The following LMLN variants were observed in gnomAD, a reference collection of about 807,000 sequenced individuals.
LMLN encodes the protein leishmanolysin-like peptidase.
Under a neutral mutation model 92.3 loss-of-function variants are expected in LMLN, and 70 were observed. The ratio of observed to expected loss-of-function variants is 0.76; its 90% confidence interval spans 0.63 to 0.92. The LOEUF (loss-of-function observed/expected upper bound fraction) is 0.92. LMLN is among the 40% of genes least tolerant of loss of function. The probability of loss-of-function intolerance (pLI) is 0.00; values close to 1 mark genes in which losing one functional copy is unlikely to be tolerated. For missense variants in LMLN, 691 were observed against 814.6 expected (o/e 0.85, Z 1.85); for synonymous variants, 308 against 296.2 (o/e 1.04, Z -0.41).
chr3:197,982,585 T>G (rs113055574), intron 6 of LMLN, among the ~76,000 whole-genome samples: 9,999 of 152,262 alleles, frequency 0.066, 409 homozygotes, highest in African/African-American at 0.11. Flanking sequence ...ATTGCATTAA[T>G]TCATTTCATG....
chr3:197,977,630 T>C (rs1273819538), intron 5 of LMLN, among the ~76,000 whole-genome samples: 10 of 140,430 alleles, frequency 7.1e-5, no homozygotes, highest in African/African-American at 2.2e-4. Flanking sequence ...AGCACACACT[T>C]GTTAAATCTG....
chr3:198,038,033 C>A (rs1425296085), intron 15 of LMLN, among the ~76,000 whole-genome samples: 1 of 148,530 alleles, frequency 6.7e-6, no homozygotes, highest in African/African-American at 2.4e-5. Context: ...TCCTCACAGT[C>A]TGTCTGCCTG....
At chr3:197,991,081 A>T (rs1411505285) in intron 9 of LMLN, among the ~76,000 whole-genome samples, 1 of 150,144 alleles carries the variant, frequency 6.7e-6, no homozygotes, top group Non-Finnish European at 1.5e-5. Flanking sequence ...GGAGGAAGAG[A>T]TTTCTTTTTT....
intron 6 of LMLN, chr3:197,980,755 G>A: frequency 2.8e-6 from 1 of 358,830 alleles, no homozygotes; most frequent in Non-Finnish European, 5.1e-6. Context: ...TTTTCTGCCT[G>A]CCGTTCCTCT....
At chr3:198,037,000 C>T (rs753135839) in intron 15 of LMLN, among the ~76,000 whole-genome samples, 4 of 152,134 alleles carry the variant, frequency 2.6e-5, no homozygotes, top group Non-Finnish European at 4.4e-5. Context: ...GATTAACTTC[C>T]CTTCTTTTCC....
chr3:198,016,813 T>C (rs1417330647), intron 11 of LMLN, among the ~76,000 whole-genome samples: 1 of 152,202 alleles, frequency 6.6e-6, no homozygotes, highest in Non-Finnish European at 1.5e-5. Flanking sequence ...CTTAAGCCAC[T>C]GTCAGCAAGG....
At chr3:198,020,215 C>G (rs150924713) in intron 12 of LMLN, among the ~76,000 whole-genome samples, 9,809 of 152,182 alleles carry the variant, frequency 0.064, 374 homozygotes, top group African/African-American at 0.099. Flanking sequence ...AGGCTGGTCT[C>G]AAACTCCTGA....
intron 14 of LMLN, among the ~76,000 whole-genome samples, chr3:198,035,510 A>C (rs1375470227): frequency 6.6e-6 from 1 of 151,752 alleles, no homozygotes; most frequent in East Asian, 2.0e-4. Context: ...CTACAGGTGC[A>C]TGACACCACG....
chr3:198,003,477 C>A (rs571980086), intron 11 of LMLN, among the ~76,000 whole-genome samples: 1 of 152,150 alleles, frequency 6.6e-6, no homozygotes, highest in South Asian at 2.1e-4. Flanking sequence ...AATATTGATT[C>A]AGTATCAAAA....
chr3:198,019,527 G>T lies in LMLN; in HGVS notation c.1365+142G>T. 1.3e-6 allele frequency: 1 copy of T among 796,472 alleles called. No homozygotes were observed. The highest frequency in any genetic ancestry group is 1.9e-6 in the Non-Finnish European group (1 of 529,106). 49.3% of individuals were successfully genotyped at this position (796,472 alleles called of 1,614,324 possible). ...GTAAGTTAGAAAAAAATGGAATAAT[G>T]CTTCCATTTCTTTAAAACTAATGTC... On this transcript the variant is annotated intron_variant, in intron 12 of 15. Transcript: ENST00000330198. The surrounding 1 kb of genome is among the most constrained non-coding windows in gnomAD (Gnocchi z 5.5).
exon 16 of LMLN, chr3:198,038,988 A>T (rs1723320256): frequency 3.5e-6 from 1 of 285,062 alleles, no homozygotes; most frequent in African/African-American, 2.2e-5. Flanking sequence ...CCACCTCATC[A>T]GCAACCCAGC....
intron 1 of LMLN, among the ~76,000 whole-genome samples, chr3:197,967,649 A>C (rs2109844288): frequency 6.6e-6 from 1 of 152,306 alleles, no homozygotes; most frequent in African/African-American, 2.4e-5. Flanking sequence ...TAAACAACAG[A>C]AAACAGGGTT....
chr3:198,033,663 C>T (rs919313658), intron 14 of LMLN, among the ~76,000 whole-genome samples: 1 of 152,120 alleles, frequency 6.6e-6, no homozygotes, highest in Non-Finnish European at 1.5e-5. Context: ...TGGTGTCCCA[C>T]AGTGCTGGGA....
At chr3:197,993,001 T>C (rs1481130397) in intron 9 of LMLN, among the ~76,000 whole-genome samples, 1 of 152,126 alleles carries the variant, frequency 6.6e-6, no homozygotes, top group African/African-American at 2.4e-5. Context: ...GTAAATGTGA[T>C]CCATCTCACT....
intron 3 of LMLN, among the ~76,000 whole-genome samples, chr3:197,975,735 T>C (rs1721355097): frequency 6.6e-6 from 1 of 152,176 alleles, no homozygotes; most frequent in African/African-American, 2.4e-5. Flanking sequence ...TAATATTTAA[T>C]TAAAAATAAA....
intron 1 of LMLN, among the ~76,000 whole-genome samples, chr3:197,971,048 A>C (rs1721209790): frequency 1.3e-5 from 2 of 152,054 alleles, no homozygotes; most frequent in South Asian, 4.1e-4. Flanking sequence ...TCTGTGTTGA[A>C]TTTCTTTATT....
intron 11 of LMLN, among the ~76,000 whole-genome samples, chr3:198,012,723 A>G (rs1199219731): frequency 6.7e-6 from 1 of 149,254 alleles, no homozygotes; most frequent in Non-Finnish European, 1.5e-5. Context: ...CCTTCTCTGT[A>G]CCCTTCAGAG....
At chr3:198,037,312 G>A (rs559309952) in intron 15 of LMLN, among the ~76,000 whole-genome samples, 2 of 152,338 alleles carry the variant, frequency 1.3e-5, no homozygotes, top group Non-Finnish European at 2.9e-5. Context: ...CAGGCCTGCT[G>A]TATTAACTCT....
At chr3:198,043,592 G>A (rs1296777062) in exon 16 of LMLN, 1 of 152,604 alleles carries the variant, frequency 6.6e-6, no homozygotes, top group African/African-American at 2.4e-5. Context: ...GACAGGGATG[G>A]AGTGGTTGTT....
Sources: allele counts gnomAD v4.1 joint callset (sites outside exome capture counted in the v4.1 genomes callset), GRCh38; gene constraint gnomAD v4.1.1; non-coding constraint Gnocchi (gnomAD v3.1); transcripts MANE v1.5; gene names NCBI Gene and HGNC (gene_info 2026-07-23, HGNC 2026-07-21).